Variants in RGS3 observed in about 807,000 individuals in gnomAD.
The protein encoded by RGS3 is regulator of G protein signaling 3.
RGS3 carries 80 observed loss-of-function variants against 132.6 expected under a neutral mutation model. That is an observed-to-expected ratio of 0.60 (90% CI 0.50 to 0.73). The LOEUF is 0.73. Among genes scored for constraint, RGS3 ranks in the 30% least tolerant of loss-of-function variants. The pLI is 0.00. For synonymous variants in RGS3, 598 were observed against 620.6 expected (o/e 0.96, Z 0.54); for missense variants, 1,382 against 1,530.8 (o/e 0.90, Z 1.62).
At chr9:113,508,842 G>A (rs1050797727) in intron 14 of RGS3, among the ~76,000 whole-genome samples, 2 of 152,202 alleles carry the variant, frequency 1.3e-5, no homozygotes, top group Admixed American at 6.5e-5. Flanking sequence ...CAGGCCTCAG[G>A]CATTCAATTG....
chr9:113,489,108 C>T (rs1830428078), intron 7 of RGS3, among the ~76,000 whole-genome samples: 1 of 152,148 alleles, frequency 6.6e-6, no homozygotes, highest in Non-Finnish European at 1.5e-5. Flanking sequence ...TATTATTGCC[C>T]CTCTCTTCAG....
rs368906639 is a variant in RGS3, at chr9:113,593,717, T to C, written c.3081-713T>C. 9.7e-4 allele frequency: 585 copies of C among 600,112 alleles called. 3 individuals carry two copies. In the African/African-American group the frequency reaches 9.9e-3, roughly 10 times the overall value. 37.2% of individuals were successfully genotyped at this position (600,112 alleles called of 1,614,324 possible). ...GAGGGGCGAACATGAGCAAGAGGCATTTAACTCCTTTCTTGCCAGCAGTTT... is the reference window on the plus strand; with the variant it reads ...GAGGGGCGAACATGAGCAAGAGGCACTTAACTCCTTTCTTGCCAGCAGTTT... On this transcript the variant is annotated intron_variant, in intron 21 of 24. Transcript: ENST00000350696.
At chr9:113,585,953 C>T (rs144124534) in intron 20 of RGS3, among the ~76,000 whole-genome samples, 1 of 152,312 alleles carries the variant, frequency 6.6e-6, no homozygotes, top group Admixed American at 6.5e-5. Context: ...CATCTGTAAG[C>T]GTGTGTGGTT....
chr9:113,541,132 C>T (rs928498659), intron 19 of RGS3, among the ~76,000 whole-genome samples: 1 of 152,156 alleles, frequency 6.6e-6, no homozygotes, highest in African/African-American at 2.4e-5. Context: ...TGCTCTGGCT[C>T]TAAGACTTCT....
At chr9:113,546,876 C>T (rs999482760) in intron 19 of RGS3, among the ~76,000 whole-genome samples, 3 of 152,194 alleles carry the variant, frequency 2.0e-5, no homozygotes, top group Admixed American at 6.5e-5. Flanking sequence ...AAAATCTTGC[C>T]TCGAGTCCTC....
At chr9:113,544,288 C>A (rs1359384766) in intron 19 of RGS3, among the ~76,000 whole-genome samples, 2 of 150,606 alleles carry the variant, frequency 1.3e-5, no homozygotes, top group Admixed American at 1.3e-4. Context: ...ACCCTCTGAT[C>A]CCATTTTCAT....
chr9:113,489,585 G>A (rs1374243980), intron 7 of RGS3, among the ~76,000 whole-genome samples: 2 of 152,132 alleles, frequency 1.3e-5, no homozygotes, highest in African/African-American at 4.8e-5. Context: ...GTGCAGTGGT[G>A]TGATTAGAGC....
At chr9:113,522,893 C>A in intron 16 of RGS3, 37 bp from the exon 15 acceptor site, 2 of 1,415,848 alleles carry the variant, frequency 1.4e-6, no homozygotes, top group Non-Finnish European at 2.0e-6. Flanking sequence ...CAGAGGACAG[C>A]AAAGTAGCCA....
intron 10 of RGS3, among the ~76,000 whole-genome samples, chr9:113,499,997 CA>C (rs1830816586): frequency 6.6e-6 from 1 of 152,132 alleles, no homozygotes; most frequent in Non-Finnish European, 1.5e-5. Context: ...GGATGGTGAT[CA>C]GGGGGCCTCC....
intron 1 of RGS3, among the ~76,000 whole-genome samples, chr9:113,448,055 G>T (rs1829152755): frequency 6.6e-6 from 1 of 151,664 alleles, no homozygotes; most frequent in Non-Finnish European, 1.5e-5. Flanking sequence ...ATGGGGTTTT[G>T]TCATGTTGCC....
At position 113,591,325 on chromosome 9, in the gene RGS3, C is replaced by T; in HGVS notation, c.3016-8C>T. ...CCAGACTGCATCGTGTCTGTCTTCT[C>T]TCCGCAGATGAGCGGGGCTGACACC... On this transcript the variant is annotated splice_polypyrimidine_tract_variant and splice_region_variant and intron_variant, in intron 20 of 24. Coordinates refer to ENST00000350696, the Ensembl canonical transcript of RGS3. The surrounding 1 kb of genome is among the most constrained non-coding windows in gnomAD (Gnocchi z 4.4). The T allele has an allele frequency of 6.2e-7, 1 of 1,613,280 alleles. No individual in the cohort carries two copies. Among genetic ancestry groups the T allele is most frequent in the Non-Finnish European group, 8.5e-7 (1 of 1,179,712 alleles).
At position 113,523,061 on chromosome 9, in the gene RGS3, G is replaced by A. The variant is rs750983262; in HGVS notation, c.1870+20G>A. 2.7e-6 allele frequency: 4 copies of A among 1,507,070 alleles called. No individual in the cohort carries two copies. Among genetic ancestry groups the A allele is most frequent in the South Asian group, 1.1e-5 (1 of 89,010 alleles). 93.4% of individuals were successfully genotyped at this position (1,507,070 alleles called of 1,614,324 possible). A position where few individuals can be genotyped will look rare whatever the true frequency, so the allele number is the denominator to read the frequency against. On this transcript the variant is annotated intron_variant, in intron 17 of 24. Transcript: ENST00000350696. ...AGGAAGGTAAGCAGATGCCGTAGGT[G>A]CCCAGAGCCCCTCTCAACTTGCCCC...
intron 1 of RGS3, among the ~76,000 whole-genome samples, chr9:113,460,931 T>G (rs183904517): frequency 5.3e-5 from 8 of 152,318 alleles, no homozygotes; most frequent in Non-Finnish European, 1.2e-4. Flanking sequence ...GATACTTTAT[T>G]AAGTGCTTCA....
intron 16 of RGS3, among the ~76,000 whole-genome samples, chr9:113,518,334 C>T (rs10981804): frequency 0.026 from 3,912 of 152,270 alleles, 60 homozygotes; most frequent in Non-Finnish European, 0.041. Flanking sequence ...TTGGCTGAGT[C>T]GAGTGGCAGC....
At chr9:113,571,061 A>G (rs896950791) in intron 19 of RGS3, among the ~76,000 whole-genome samples, 3 of 152,366 alleles carry the variant, frequency 2.0e-5, no homozygotes, top group South Asian at 2.1e-4. Context: ...AGATTCATCA[A>G]TAATATTGTA....
intron 19 of RGS3, among the ~76,000 whole-genome samples, chr9:113,551,651 C>G (rs1392491536): frequency 1.3e-5 from 2 of 152,048 alleles, no homozygotes; most frequent in Admixed American, 1.3e-4. Context: ...GAGTTCAAGA[C>G]CAGCCTGGGC....
Position 113,463,694 on chromosome 9 carries a change from A to C in RGS3, c.415+1493A>C, listed in dbSNP as rs1166721015. On this transcript the variant is annotated intron_variant, in intron 3 of 24. Coordinates refer to ENST00000350696, the Ensembl canonical transcript of RGS3. This position sits in a 1 kb window ranked among gnomAD's most constrained non-coding sequence, Gnocchi z 4.6. Reference sequence around the variant, plus strand: ...CCCTGGCCGTTCCAACGCTTGGGGCAGCCCTACCTCCCGCTCGCGCTCCTC... The same window carrying C: ...CCCTGGCCGTTCCAACGCTTGGGGCCGCCCTACCTCCCGCTCGCGCTCCTC... 11 of 1,393,270 alleles carry C rather than the reference A, an allele frequency of 7.9e-6. No homozygotes were observed. The highest frequency in any genetic ancestry group is 1.5e-5 in the African/African-American group (1 of 66,516). 86.3% of individuals were successfully genotyped at this position (1,393,270 alleles called of 1,614,324 possible).
chr9:113,504,847 G>A (rs1831059985), intron 10 of RGS3, among the ~76,000 whole-genome samples: 1 of 152,230 alleles, frequency 6.6e-6, no homozygotes, highest in Non-Finnish European at 1.5e-5. Flanking sequence ...ACCTTACCTG[G>A]GAGTCCTCAT....
chr9:113,550,121 T>C (rs973743722), intron 19 of RGS3, among the ~76,000 whole-genome samples: 1 of 152,230 alleles, frequency 6.6e-6, no homozygotes, highest in African/African-American at 2.4e-5. Flanking sequence ...CCCACCACTT[T>C]GGGAGGCCAA....
Sources: allele counts gnomAD v4.1 joint callset (sites outside exome capture counted in the v4.1 genomes callset), GRCh38; gene constraint gnomAD v4.1.1; non-coding constraint Gnocchi (gnomAD v3.1); transcripts MANE v1.5; gene names NCBI Gene and HGNC (gene_info 2026-07-23, HGNC 2026-07-21).